GRHL2: variants seen among roughly 807,000 people sequenced by gnomAD.
GRHL2 encodes the protein grainyhead like transcription factor 2.
Under a neutral mutation model 83.8 loss-of-function variants are expected in GRHL2, and 21 were observed. The observed-to-expected ratio is 0.25, with a 90% CI of 0.18 to 0.36. The LOEUF (loss-of-function observed/expected upper bound fraction) is 0.36. GRHL2 is among the 10% of genes least tolerant of loss of function. The probability of loss-of-function intolerance (pLI) is 1.00; values close to 1 mark genes in which losing one functional copy is unlikely to be tolerated. For missense variants in GRHL2, 623 were observed against 781.8 expected (o/e 0.80, Z 2.42); for synonymous variants, 280 against 278.9 (o/e 1.00, Z -0.04).
At chr8:101,521,804 T>G (rs893429637) in intron 1 of GRHL2, among the ~76,000 whole-genome samples, 1 of 152,220 alleles carries the variant, frequency 6.6e-6, no homozygotes, top group Non-Finnish European at 1.5e-5. Flanking sequence ...AAATGTAATT[T>G]TTTGTTAGCT....
chr8:101,543,549 A>C, intron 2 of GRHL2, 113 bp downstream of exon 2: 1 of 967,662 alleles, frequency 1.0e-6, no homozygotes, highest in Non-Finnish European at 1.6e-6. Context: ...GCATTTCCAA[A>C]GTCAATATAG....
At chr8:101,603,825 G>A (rs1016895923) in intron 8 of GRHL2, among the ~76,000 whole-genome samples, 1 of 152,038 alleles carries the variant, frequency 6.6e-6, no homozygotes, top group Non-Finnish European at 1.5e-5. Flanking sequence ...ATATCTAGGA[G>A]GACAAGGTTC....
chr8:101,552,895 C>G, intron 3 of GRHL2, 113 bp downstream of exon 3: 1 of 995,794 alleles, frequency 1.0e-6, no homozygotes, highest in Non-Finnish European at 1.5e-6. Context: ...TTAGCATCAT[C>G]TATCTGTCTT....
intron 14 of GRHL2, among the ~76,000 whole-genome samples, chr8:101,654,360 A>C (rs1813739575): frequency 6.6e-6 from 1 of 152,252 alleles, no homozygotes; most frequent in African/African-American, 2.4e-5. Flanking sequence ...GCATTAAATG[A>C]GCTTAACACA....
intron 9 of GRHL2, 23 bp from the exon 10 acceptor site, chr8:101,631,614 T>C (rs1249121287): frequency 6.3e-7 from 1 of 1,596,280 alleles, no homozygotes; most frequent in East Asian, 2.2e-5. Flanking sequence ...TGGCATTTTC[T>C]GTATTTGTTT....
intron 8 of GRHL2, among the ~76,000 whole-genome samples, chr8:101,603,616 A>C (rs1169822131): frequency 6.6e-6 from 1 of 152,226 alleles, no homozygotes; most frequent in Non-Finnish European, 1.5e-5. Flanking sequence ...CCAGATTTGC[A>C]GTGTCCATTG....
At chr8:101,635,749 A>G (rs544078952) in intron 11 of GRHL2, among the ~76,000 whole-genome samples, 1 of 152,352 alleles carries the variant, frequency 6.6e-6, no homozygotes, top group African/African-American at 2.4e-5. Context: ...AGAAGAAACT[A>G]AATAAACAAT....
downstream of GRHL2, among the ~76,000 whole-genome samples, chr8:101,673,267 T>C (rs1452018595): frequency 2.6e-5 from 4 of 151,018 alleles, no homozygotes; most frequent in Non-Finnish European, 5.9e-5. Context: ...GCAAATTGGA[T>C]AGAGTCAAGA....
chr8:101,541,048 T>C (rs1226595647), intron 1 of GRHL2, among the ~76,000 whole-genome samples: 6 of 152,102 alleles, frequency 3.9e-5, no homozygotes, highest in Non-Finnish European at 7.4e-5. Context: ...TTGTTGTTGT[T>C]CCTGAGCTAC....
At chr8:101,579,710 C>T (rs898667611) in intron 7 of GRHL2, among the ~76,000 whole-genome samples, 2 of 152,150 alleles carry the variant, frequency 1.3e-5, no homozygotes, top group African/African-American at 4.8e-5. Flanking sequence ...ATTTCTCTGC[C>T]AGTGGGTTGT....
intron 11 of GRHL2, among the ~76,000 whole-genome samples, chr8:101,636,089 G>C (rs765930532): frequency 3.3e-5 from 5 of 152,214 alleles, no homozygotes; most frequent in Non-Finnish European, 7.3e-5. Flanking sequence ...GACACACACA[G>C]ATAAAGATGA....
At chr8:101,535,786 C>T (rs547336798) in intron 1 of GRHL2, among the ~76,000 whole-genome samples, 11 of 152,204 alleles carry the variant, frequency 7.2e-5, no homozygotes, top group South Asian at 2.1e-4. Flanking sequence ...GTGATCCACC[C>T]GCCTTGGCCT....
intron 3 of GRHL2, 144 bp from the exon 4 acceptor site, chr8:101,558,275 C>T: frequency 4.5e-6 from 4 of 888,924 alleles, no homozygotes; most frequent in Non-Finnish European, 7.2e-6. Flanking sequence ...GATCCCATTG[C>T]GTTTCGTTGT....
chr8:101,654,466 G>T (rs1164826634), intron 14 of GRHL2, among the ~76,000 whole-genome samples: 1 of 152,168 alleles, frequency 6.6e-6, no homozygotes, highest in Non-Finnish European at 1.5e-5. Context: ...TCCCATTGGA[G>T]AACCTGCTGT....
Position 101,654,026 on chromosome 8 carries a change from C to A in GRHL2, c.1698+4527C>A, listed in dbSNP as rs974980268. On this transcript the variant is annotated intron_variant, in intron 14 of 15. Coordinates refer to ENST00000646743, the MANE Select transcript of GRHL2 (RefSeq NM_024915.4). ...ACATTCTGCGAAGGTAGTTTTAAAC[C>A]AAGACGTGGCCCTACAGACTATTAT... Among the ~76,000 whole-genome samples, 5 of 152,164 alleles carry A rather than the reference C, an allele frequency of 3.3e-5. No homozygotes were observed. The East Asian group carries it at 9.6e-4, about 29-fold the overall frequency.
intron 5 of GRHL2, among the ~76,000 whole-genome samples, chr8:101,570,733 C>T (rs1263208244): frequency 2.0e-5 from 3 of 152,176 alleles, no homozygotes; most frequent in Admixed American, 6.6e-5. Flanking sequence ...ACTTGTTTCA[C>T]ACCTGGTGTT....
intron 3 of GRHL2, among the ~76,000 whole-genome samples, chr8:101,553,079 T>G (rs1811418059): frequency 6.6e-6 from 1 of 152,230 alleles, no homozygotes. Flanking sequence ...TGGGATTAAC[T>G]TTTCTGATCA....
chr8:101,507,358 C>A (rs1005536547), intron 1 of GRHL2, among the ~76,000 whole-genome samples: 1 of 152,062 alleles, frequency 6.6e-6, no homozygotes, highest in East Asian at 1.9e-4. Context: ...ATGGATTTTA[C>A]TCATTAAATT....
intron 4 of GRHL2, 69 bp downstream of exon 4, chr8:101,558,881 C>T (rs1246082931): frequency 6.6e-7 from 1 of 1,518,228 alleles, no homozygotes; most frequent in South Asian, 1.2e-5. Context: ...TTTCTATTTC[C>T]TTTCAAAGTG....
Sources: allele counts gnomAD v4.1 joint callset (sites outside exome capture counted in the v4.1 genomes callset), GRCh38; gene constraint gnomAD v4.1.1; transcripts MANE v1.5; gene names NCBI Gene and HGNC (gene_info 2026-07-23, HGNC 2026-07-21).